Variants in PARD3 observed in about 807,000 individuals in gnomAD.
PARD3 encodes the protein par-3 family cell polarity regulator.
Under a neutral mutation model 155.4 loss-of-function variants are expected in PARD3, and 75 were observed. The observed-to-expected ratio is 0.48, with a 90% CI of 0.40 to 0.58. The LOEUF (loss-of-function observed/expected upper bound fraction) is 0.58, where lower values mean the gene tolerates loss of function less well. Ranked by LOEUF, PARD3 falls within the 20% of genes least tolerant of loss-of-function variation. PARD3 has a pLI of 0.00. For missense variants in PARD3, 1,642 were observed against 1,721.7 expected, an observed-to-expected ratio of 0.95 and a Z score of 0.82; for synonymous variants, 576 against 610.5, an observed-to-expected ratio of 0.94 and a Z score of 0.83.
At chr10:34,262,420 A>C (rs1332440585) in intron 22 of PARD3, among the ~76,000 whole-genome samples, 1 of 152,068 alleles carries the variant, frequency 6.6e-6, no homozygotes, top group Non-Finnish European at 1.5e-5. Flanking sequence ...GTGTGTGACC[A>C]CCATGCCCGG....
chr10:34,559,184 G>A (rs577995620), intron 2 of PARD3, among the ~76,000 whole-genome samples: 5 of 151,956 alleles, frequency 3.3e-5, no homozygotes, highest in Admixed American at 6.6e-5. Context: ...AGTTAATTGC[G>A]GACGTGTCTC....
At chr10:34,209,666 G>C (rs1951645633) in intron 22 of PARD3, among the ~76,000 whole-genome samples, 1 of 152,114 alleles carries the variant, frequency 6.6e-6, no homozygotes. Context: ...TCTTGGCTGA[G>C]TCACTTCTCC....
intron 15 of PARD3, chr10:34,346,247 C>G (rs1564611470): frequency 2.6e-6 from 3 of 1,146,064 alleles, no homozygotes; most frequent in Non-Finnish European, 1.1e-6. Context: ...ATCGGGGCAA[C>G]AGACTAGGAA....
chr10:34,366,860 C>T (rs942931452), intron 12 of PARD3, among the ~76,000 whole-genome samples: 1 of 151,912 alleles, frequency 6.6e-6, no homozygotes, highest in African/African-American at 2.4e-5. Flanking sequence ...TAATTTATCC[C>T]GTATGTGAGA....
At chr10:34,618,020 G>A (rs774039459) in intron 2 of PARD3, among the ~76,000 whole-genome samples, 1 of 152,036 alleles carries the variant, frequency 6.6e-6, no homozygotes, top group Non-Finnish European at 1.5e-5. Context: ...TATTCTGATG[G>A]AAAAATCACT....
At chr10:34,727,810 T>TGCA (rs1436162753) in intron 1 of PARD3, among the ~76,000 whole-genome samples, 1,395 of 133,300 alleles carry the variant, frequency 0.01, 27 homozygotes, top group African/African-American at 0.037. Context: ...ACCCCCTCCC[T>TGCA]CCACCACACA....
rs1387021920 is a variant in PARD3, at chr10:34,110,659, CA to C, written c.*509del. On this transcript the variant is annotated 3_prime_UTR_variant, in exon 25 of 25. Coordinates refer to ENST00000374788, the MANE Select transcript of PARD3 (RefSeq NM_001184785.2). ...AGAGCTGAGAAAGGAAAGAGAAAAC[CA>C]CAGTGATGACAAAGTACGACAAATG... 6.6e-6 allele frequency: 1 copy of C among 152,432 alleles called. No homozygotes were observed. The highest frequency in any genetic ancestry group is 1.5e-5 in the Non-Finnish European group (1 of 68,228). 9.4% of individuals were successfully genotyped at this position (152,432 alleles called of 1,614,324 possible).
intron 17 of PARD3, 149 bp from the exon 18 acceptor site, chr10:34,336,392 C>A: frequency 6.9e-6 from 4 of 578,238 alleles, no homozygotes; most frequent in Admixed American, 3.3e-5. Context: ...CATTCATAAT[C>A]AAAAAAGGAG....
At chr10:34,327,082 G>A (rs1209929884) in intron 19 of PARD3, among the ~76,000 whole-genome samples, 1 of 152,186 alleles carries the variant, frequency 6.6e-6, no homozygotes, top group East Asian at 1.9e-4. Context: ...AGAAAACAAA[G>A]CAATCTTACT....
At chr10:34,205,970 A>G (rs1588753268) in intron 22 of PARD3, among the ~76,000 whole-genome samples, 1 of 152,038 alleles carries the variant, frequency 6.6e-6, no homozygotes, top group Non-Finnish European at 1.5e-5. Flanking sequence ...GAGGGGCAGC[A>G]CCTGTGGCTG....
chr10:34,746,101 C>CA (rs1416025772), intron 1 of PARD3, among the ~76,000 whole-genome samples: 4 of 150,828 alleles, frequency 2.7e-5, no homozygotes, highest in Non-Finnish European at 5.9e-5. Context: ...GACTCCATCT[C>CA]AAAAAACAAA....
chr10:34,625,675 G>A lies in PARD3; in HGVS notation c.222+70643C>T, dbSNP rs889313256. On this transcript the variant is annotated intron_variant, in intron 2 of 24. Coordinates refer to ENST00000374788, the MANE Select transcript of PARD3 (RefSeq NM_001184785.2). ...CGCCTGTAATCCCAGCACTTTGGGA[G>A]GCTGAGGCAGGTGGATCACCTGAGG... Among the ~76,000 whole-genome samples the A allele has an allele frequency of 5.3e-5, 8 of 152,222 alleles. 1 individual carries two copies. Among genetic ancestry groups the A allele is most frequent in the Admixed American group, 5.2e-4 (8 of 15,286 alleles).
Position 34,437,539 on chromosome 10 carries a change from A to T in PARD3, c.714+12778T>A, listed in dbSNP as rs1308721553. On this transcript the variant is annotated intron_variant, in intron 5 of 24. Transcript: ENST00000374788. ...TTATATATTGAACATGTAAGCAAAC[A>T]TCCATTGTTCCTAGAATAAGAAAAA... Among the ~76,000 whole-genome samples, 3 of 152,230 alleles carry T rather than the reference A, an allele frequency of 2.0e-5. No homozygotes were observed. In the East Asian group the frequency reaches 5.8e-4, roughly 29 times the overall value.
chr10:34,347,318 T>A (rs1837535902), intron 15 of PARD3, among the ~76,000 whole-genome samples: 1 of 152,218 alleles, frequency 6.6e-6, no homozygotes, highest in Non-Finnish European at 1.5e-5. Context: ...GATCTGTTAG[T>A]AGAAAGCTGA....
chr10:34,809,846 T>C (rs951483227), intron 1 of PARD3, among the ~76,000 whole-genome samples: 2 of 152,242 alleles, frequency 1.3e-5, no homozygotes, highest in African/African-American at 4.8e-5. Context: ...ATAAAGCTGC[T>C]TTCATTTCAC....
intron 23 of PARD3, among the ~76,000 whole-genome samples, chr10:34,120,793 A>G (rs985297271): frequency 2.0e-5 from 3 of 152,218 alleles, no homozygotes; most frequent in Admixed American, 6.5e-5. Flanking sequence ...ATCATCCCCT[A>G]TAGAGAACAC....
At chr10:34,412,512 A>T (rs1845193643) in intron 5 of PARD3, among the ~76,000 whole-genome samples, 1 of 152,202 alleles carries the variant, frequency 6.6e-6, no homozygotes. Flanking sequence ...ATTTCTTACC[A>T]GAAATGGTCT....
At chr10:34,145,229 T>A (rs1346149877) in intron 22 of PARD3, among the ~76,000 whole-genome samples, 2,258 of 116,462 alleles carry the variant, frequency 0.019, 26 homozygotes, top group Non-Finnish European at 0.029. Flanking sequence ...ATATTTTTTT[T>A]TTTTTTTTTT....
At chr10:34,165,600 T>A (rs1397131083) in intron 22 of PARD3, among the ~76,000 whole-genome samples, 2 of 152,220 alleles carry the variant, frequency 1.3e-5, no homozygotes, top group African/African-American at 4.8e-5. Context: ...CCCAACAATT[T>A]GGCCTTAAGC....
Sources: allele counts gnomAD v4.1 joint callset (sites outside exome capture counted in the v4.1 genomes callset), GRCh38; gene constraint gnomAD v4.1.1; transcripts MANE v1.5; gene names NCBI Gene and HGNC (gene_info 2026-07-23, HGNC 2026-07-21).